The following RMND5A variants were observed in gnomAD, a reference collection of about 807,000 sequenced individuals.
RMND5A encodes E3 ubiquitin-protein transferase RMND5A.
A neutral mutation model predicts 49.7 loss-of-function variants in RMND5A; 17 were observed. That is an observed-to-expected ratio of 0.34 (90% CI 0.23 to 0.51). The LOEUF is 0.51. Ranked by LOEUF, RMND5A falls within the 20% of genes least tolerant of loss-of-function variation. The pLI is 0.96. For synonymous variants in RMND5A, 156 were observed against 167.7 expected (o/e 0.93, Z 0.54); for missense variants, 255 against 471.3 (o/e 0.54, Z 4.25).
At chr2:86,748,807 C>T (rs1020739755) in intron 2 of RMND5A, among the ~76,000 whole-genome samples, 8 of 152,136 alleles carry the variant, frequency 5.3e-5, no homozygotes, top group South Asian at 2.1e-4. Flanking sequence ...AGCTGACCAG[C>T]GTGTCTTCCA....
At chr2:86,746,343 G>A (rs1573434443) in intron 2 of RMND5A, among the ~76,000 whole-genome samples, 3 of 152,304 alleles carry the variant, frequency 2.0e-5, no homozygotes, top group East Asian at 3.9e-4. Context: ...AGAAGCAGAA[G>A]GTTTGGTGGC....
In RMND5A at chr2:86,725,570, T is replaced by C. The variant is rs1229367181; in HGVS notation, c.142+4761T>C. Among the ~76,000 whole-genome samples, 2 of 76,686 alleles carry C rather than the reference T, an allele frequency of 2.6e-5. 1 individual carries two copies. The highest frequency in any genetic ancestry group is 5.4e-5 in the Non-Finnish European group (2 of 37,032). The allele number at this position is 76,686 out of a possible 152,430, so 50.3% of individuals were successfully genotyped here. ...CATGCCTGGCTAATTTTTGTATTTT[T>C]AGTAGAGACGGGGTTTCAACATGTG... On this transcript the variant is annotated intron_variant, in intron 1 of 8. Transcript: ENST00000283632.
chr2:86,762,576 C>T (rs895180236), intron 4 of RMND5A, among the ~76,000 whole-genome samples: 8 of 150,810 alleles, frequency 5.3e-5, no homozygotes, highest in South Asian at 4.2e-4. Flanking sequence ...ACCTGGGAGG[C>T]GAAGGTTGCA....
chr2:86,721,501 C>T (rs1322409168), intron 1 of RMND5A, among the ~76,000 whole-genome samples: 1 of 151,814 alleles, frequency 6.6e-6, no homozygotes, highest in East Asian at 1.9e-4. Context: ...GAGGAACGGG[C>T]GACATTTGCC....
At chr2:86,753,195 A>G (rs1681665997) in intron 3 of RMND5A, among the ~76,000 whole-genome samples, 1 of 152,134 alleles carries the variant, frequency 6.6e-6, no homozygotes, top group African/African-American at 2.4e-5. Context: ...CAGAGTGCAT[A>G]TTTATGTTTC....
Position 86,743,531 on chromosome 2 carries a change from C to T in RMND5A, c.285+2462C>T, listed in dbSNP as rs181312881. 2.4e-3 allele frequency among the ~76,000 whole-genome samples: 366 copies of T among 152,026 alleles called. 1 individual carries two copies. The highest frequency in any genetic ancestry group is 9.1e-3 in the Admixed American group (139 of 15,276). ...CCAAGCTGGAGTGCAGTGGCACCATCTCAGCTCACTGCAAACTCTGCCTCC... is the reference window on the plus strand; with the variant it reads ...CCAAGCTGGAGTGCAGTGGCACCATTTCAGCTCACTGCAAACTCTGCCTCC... On this transcript the variant is annotated intron_variant, in intron 2 of 8. Transcript: ENST00000283632.
intron 7 of RMND5A, 29 bp downstream of exon 7, chr2:86,770,154 CT>C (rs759471261): frequency 7.2e-7 from 1 of 1,391,750 alleles, no homozygotes; most frequent in Admixed American, 1.7e-5. Context: ...TGGCTATTTA[CT>C]TTTACTGCCA....
chr2:86,750,582 C>T (rs1395267924), intron 2 of RMND5A, among the ~76,000 whole-genome samples: 2 of 152,130 alleles, frequency 1.3e-5, no homozygotes, highest in African/African-American at 4.8e-5. Flanking sequence ...ATGTTTGGGT[C>T]AGATTTCTTT....
intron 4 of RMND5A, among the ~76,000 whole-genome samples, chr2:86,757,174 CAAAAAAAAAAAAAAAAAA>C (rs60710494): frequency 7.1e-5 from 7 of 97,956 alleles, no homozygotes; most frequent in South Asian, 3.8e-4. Flanking sequence ...AACTCAGTCT[CAAAAAAAAAAAAAAAAAA>C]AAAAAAAAAA....
At position 86,759,681 on chromosome 2, in the gene RMND5A, C is replaced by T. The variant is rs187568396; in HGVS notation, c.522-5346C>T. Among the ~76,000 whole-genome samples, 373 of 140,460 alleles carry T rather than the reference C, an allele frequency of 2.7e-3. 1 individual carries two copies. Among genetic ancestry groups the T allele is most frequent in the African/African-American group, 8.4e-3 (335 of 39,648 alleles). The allele number at this position is 140,460 out of a possible 152,430, so 92.1% of individuals were successfully genotyped here. On this transcript the variant is annotated intron_variant, in intron 4 of 8. Transcript: ENST00000283632. ...CAGGCGCGGTGGTGAGCACCTGTAA[C>T]CCCAGCTACTCGGGAGGCTGAGGCA...
chr2:86,764,929 A>T, intron 4 of RMND5A, 98 bp from the exon 5 acceptor site: 1 of 1,182,732 alleles, frequency 8.5e-7, no homozygotes, highest in Non-Finnish European at 1.2e-6. Context: ...ACAAGATGGC[A>T]GACCAAGCCC....
chr2:86,748,364 A>G (rs1488075237), intron 2 of RMND5A: 1 of 152,264 alleles, frequency 6.6e-6, no homozygotes, highest in African/African-American at 2.4e-5. Context: ...AGTAGTTTAT[A>G]CTGGAAAATC....
At chr2:86,747,344 G>A (rs1244281388) in intron 2 of RMND5A, among the ~76,000 whole-genome samples, 1 of 151,414 alleles carries the variant, frequency 6.6e-6, no homozygotes, top group Non-Finnish European at 1.5e-5. Context: ...CATTTTTTCT[G>A]TTAAGTTATC....
At chr2:86,725,285 C>G (rs959347013) in intron 1 of RMND5A, among the ~76,000 whole-genome samples, 2 of 148,528 alleles carry the variant, frequency 1.3e-5, no homozygotes, top group African/African-American at 5.0e-5. Context: ...ATGGTATAAA[C>G]TCAAATGATA....
chr2:86,768,429 G>T (rs572745234), intron 6 of RMND5A, among the ~76,000 whole-genome samples: 1 of 152,166 alleles, frequency 6.6e-6, no homozygotes, highest in African/African-American at 2.4e-5. Flanking sequence ...AATGTGAGGC[G>T]CTGATGCCAT....
intron 2 of RMND5A, chr2:86,748,528 T>TA (rs1330593528): frequency 6.6e-6 from 1 of 152,236 alleles, no homozygotes; most frequent in Non-Finnish European, 1.5e-5. Context: ...TATGTAGTAG[T>TA]GACCATAGTA....
rs145043953 is a variant in RMND5A at position 86,771,749 on chromosome 2, A to G, written c.1112+37A>G. On this transcript the variant is annotated intron_variant, in intron 8 of 8. Coordinates refer to ENST00000283632, the MANE Select transcript of RMND5A (RefSeq NM_022780.4). Reference sequence around the variant, plus strand: ...ACTTTTAAAAAATGTTAGCAAATAAATTTTGTTTTGGAACTTGGTAGGAGG... The same window carrying G: ...ACTTTTAAAAAATGTTAGCAAATAAGTTTTGTTTTGGAACTTGGTAGGAGG... 2,392 of 1,573,178 alleles carry G rather than the reference A, an allele frequency of 1.5e-3. 35 individuals are homozygous for G. The African/African-American group carries it at 0.028, about 18-fold the overall frequency.
intron 4 of RMND5A, among the ~76,000 whole-genome samples, chr2:86,758,027 G>T (rs1160047506): frequency 6.6e-6 from 1 of 152,188 alleles, no homozygotes; most frequent in Admixed American, 6.5e-5. Context: ...AGGTTGTGTT[G>T]CAGAGCCGTT....
At chr2:86,749,115 C>T (rs1314114393) in intron 2 of RMND5A, among the ~76,000 whole-genome samples, 1 of 152,154 alleles carries the variant, frequency 6.6e-6, no homozygotes, top group African/African-American at 2.4e-5. Flanking sequence ...GAGAGAACAG[C>T]GTTGATCAGC....
Sources: gnomAD v4.1 joint callset for allele counts (sites outside exome capture counted in the v4.1 genomes callset) on GRCh38, gnomAD v4.1.1 for gene constraint, MANE v1.5 for transcripts, NCBI Gene and HGNC (gene_info 2026-07-23, HGNC 2026-07-21) for gene names.